ZNF385D: variants seen among roughly 807,000 people sequenced by gnomAD.
ZNF385D encodes zinc finger protein 659.
In ZNF385D, 15 loss-of-function variants were observed where a neutral mutation model predicts 35.8. The observed-to-expected ratio is 0.42, with a 90% CI of 0.28 to 0.64. The LOEUF (loss-of-function observed/expected upper bound fraction) is 0.64, where lower values mean the gene tolerates loss of function less well. Among genes scored for constraint, ZNF385D ranks in the 30% least tolerant of loss-of-function variants. The probability of loss-of-function intolerance (pLI) is 0.23; values close to 1 mark genes in which losing one functional copy is unlikely to be tolerated. For synonymous variants in ZNF385D, 212 were observed against 186.8 expected (o/e 1.13, Z -1.10); for missense variants, 474 against 494.6 (o/e 0.96, Z 0.39).
chr3:21,766,531 T>G (rs1403262118), intron 3 of ZNF385D, among the ~76,000 whole-genome samples: 2 of 152,130 alleles, frequency 1.3e-5, no homozygotes, highest in African/African-American at 4.8e-5. Context: ...ATTTTGTCCT[T>G]TATTTCAATT....
intron 3 of ZNF385D, among the ~76,000 whole-genome samples, chr3:21,961,715 A>G (rs1394060727): frequency 6.6e-6 from 1 of 152,124 alleles, no homozygotes; most frequent in Non-Finnish European, 1.5e-5. Flanking sequence ...TCCATATAGG[A>G]TTCTAACATG....
intron 2 of ZNF385D, among the ~76,000 whole-genome samples, chr3:21,567,472 C>G (rs1268588048): frequency 6.6e-6 from 1 of 152,122 alleles, no homozygotes; most frequent in Non-Finnish European, 1.5e-5. Flanking sequence ...TGCGCTGCTT[C>G]AATAGCCCTC....
intron 3 of ZNF385D, among the ~76,000 whole-genome samples, chr3:21,984,992 C>T (rs1350929255): frequency 6.6e-6 from 1 of 151,406 alleles, no homozygotes; most frequent in Non-Finnish European, 1.5e-5. Context: ...TATAAGAATG[C>T]CTGTGATTTT....
At chr3:22,133,684 G>A (rs538328136) in intron 3 of ZNF385D, 1 of 151,730 alleles carries the variant, frequency 6.6e-6, no homozygotes. Context: ...AATATATCAA[G>A]CAACTATCAG....
chr3:22,007,990 T>C (rs1224631769), intron 3 of ZNF385D, among the ~76,000 whole-genome samples: 1 of 152,018 alleles, frequency 6.6e-6, no homozygotes, highest in African/African-American at 2.4e-5. Context: ...CATCTTTTAT[T>C]CTAGAACTTG....
intron 2 of ZNF385D, among the ~76,000 whole-genome samples, chr3:22,172,815 G>T (rs989256307): frequency 6.6e-6 from 1 of 152,166 alleles, no homozygotes; most frequent in East Asian, 1.9e-4. Flanking sequence ...CTCTCATTTA[G>T]AAGTATTCCA....
At chr3:22,088,507 G>C (rs1701160500) in intron 3 of ZNF385D, among the ~76,000 whole-genome samples, 1 of 152,106 alleles carries the variant, frequency 6.6e-6, no homozygotes. Context: ...CAGACTCCCA[G>C]TTTGCAATCA....
At chr3:22,218,969 G>A (rs1698071941) in intron 2 of ZNF385D, among the ~76,000 whole-genome samples, 1 of 152,020 alleles carries the variant, frequency 6.6e-6, no homozygotes. Flanking sequence ...ACACTACAGA[G>A]AATGACATGG....
intron 3 of ZNF385D, among the ~76,000 whole-genome samples, chr3:22,079,450 G>A (rs1346740116): frequency 6.6e-6 from 1 of 151,768 alleles, no homozygotes; most frequent in African/African-American, 2.4e-5. Flanking sequence ...CTAAATGGAG[G>A]GGTTCAACAA....
At chr3:22,041,342 C>G (rs1490125388) in intron 3 of ZNF385D, among the ~76,000 whole-genome samples, 2 of 152,048 alleles carry the variant, frequency 1.3e-5, no homozygotes, top group Non-Finnish European at 2.9e-5. Flanking sequence ...ATGCCCACCC[C>G]AGAGAGAAAC....
chr3:21,941,130 G>A (rs1701495645), intron 3 of ZNF385D, among the ~76,000 whole-genome samples: 1 of 152,110 alleles, frequency 6.6e-6, no homozygotes, highest in African/African-American at 2.4e-5. Flanking sequence ...TAAATGACTT[G>A]AGCACTATTT....
chr3:22,244,364 T>TAAAAAAAAAAAAA (rs34497539), intron 2 of ZNF385D, among the ~76,000 whole-genome samples: 7 of 62,556 alleles, frequency 1.1e-4, no homozygotes, highest in Admixed American at 2.4e-4. Context: ...CAACCGAATG[T>TAAAAAAAAAAAAA]AAAAAAAAAA....
chr3:21,550,888 A>G (rs1380645344), intron 3 of ZNF385D, among the ~76,000 whole-genome samples: 4 of 152,226 alleles, frequency 2.6e-5, no homozygotes, highest in Admixed American at 2.0e-4. Context: ...TTATGCTCTC[A>G]TGAGGTTTCT....
At chr3:21,979,997 T>A (rs1694334361) in intron 3 of ZNF385D, among the ~76,000 whole-genome samples, 1 of 152,210 alleles carries the variant, frequency 6.6e-6, no homozygotes, top group Non-Finnish European at 1.5e-5. Context: ...GGAGTGATGC[T>A]GCCTGACTTT....
At chr3:21,729,709 G>C (rs762629333) in intron 1 of ZNF385D, among the ~76,000 whole-genome samples, 1 of 152,120 alleles carries the variant, frequency 6.6e-6, no homozygotes, top group Non-Finnish European at 1.5e-5. Context: ...AGCCCAGAAA[G>C]CTAGGGCAAA....
At chr3:22,174,949 G>C (rs1341037043) in intron 2 of ZNF385D, among the ~76,000 whole-genome samples, 1 of 151,840 alleles carries the variant, frequency 6.6e-6, no homozygotes, top group Non-Finnish European at 1.5e-5. Flanking sequence ...TTTTACAAAA[G>C]TTTTGCTCAA....
chr3:21,547,761 C>A (rs2062427242), intron 3 of ZNF385D, among the ~76,000 whole-genome samples: 1 of 151,860 alleles, frequency 6.6e-6, no homozygotes, highest in South Asian at 2.1e-4. Context: ...GGACTACAGG[C>A]ACCCGCCACC....
At chr3:21,961,230 T>A (rs1702571433) in intron 3 of ZNF385D, among the ~76,000 whole-genome samples, 1 of 152,054 alleles carries the variant, frequency 6.6e-6, no homozygotes, top group African/African-American at 2.4e-5. Flanking sequence ...AAAATAATTT[T>A]TAAATGAATG....
intron 2 of ZNF385D, among the ~76,000 whole-genome samples, chr3:21,608,516 C>G (rs898082649): frequency 3.9e-5 from 6 of 152,018 alleles, no homozygotes; most frequent in African/African-American, 1.4e-4. Context: ...TTATTTTTAC[C>G]TATTCTGCTT....
Sources: allele counts gnomAD v4.1 joint callset (sites outside exome capture counted in the v4.1 genomes callset), GRCh38; gene constraint gnomAD v4.1.1; transcripts MANE v1.5; gene names NCBI Gene and HGNC (gene_info 2026-07-23, HGNC 2026-07-21).